The following PCDH15 variants were observed in gnomAD, a reference collection of about 807,000 sequenced individuals.
PCDH15 encodes the protein protocadherin-15.
A neutral mutation model predicts 178.5 loss-of-function variants in PCDH15; 129 were observed. The ratio of observed to expected loss-of-function variants is 0.72; its 90% CI spans 0.63 to 0.84. PCDH15 has a LOEUF of 0.84. PCDH15 is among the 40% of genes least tolerant of loss of function. PCDH15 has a pLI of 0.00. For synonymous variants in PCDH15, 800 were observed against 732.0 expected, an observed-to-expected ratio of 1.09 and a Z score of -1.50; for missense variants, 2,230 against 2,099.9, an observed-to-expected ratio of 1.06 and a Z score of -1.21.
intron 2 of PCDH15, among the ~76,000 whole-genome samples, chr10:55,478,628 G>A (rs1163061976): frequency 2.0e-5 from 3 of 150,520 alleles, no homozygotes; most frequent in African/African-American, 7.3e-5. Flanking sequence ...AAAATTAGGA[G>A]AAGGAAATAA....
intron 3 of PCDH15, among the ~76,000 whole-genome samples, chr10:54,489,194 T>C (rs2079362049): frequency 6.6e-6 from 1 of 152,066 alleles, no homozygotes; most frequent in Non-Finnish European, 1.5e-5. Context: ...TTTCCCTTGA[T>C]TAACTTGTAT....
At chr10:54,421,292 G>T (rs1955262529) in intron 3 of PCDH15, among the ~76,000 whole-genome samples, 1 of 151,542 alleles carries the variant, frequency 6.6e-6, no homozygotes, top group African/African-American at 2.4e-5. Context: ...AATACATTAA[G>T]AAATAATCTC....
intron 10 of PCDH15, among the ~76,000 whole-genome samples, chr10:54,212,183 A>G (rs2051513449): frequency 6.6e-6 from 1 of 152,148 alleles, no homozygotes; most frequent in African/African-American, 2.4e-5. Context: ...GCACCACAAG[A>G]GTCAGGTAGA....
chr10:54,548,926 G>A (rs1438514588), intron 2 of PCDH15, among the ~76,000 whole-genome samples: 1 of 149,610 alleles, frequency 6.7e-6, no homozygotes, highest in Non-Finnish European at 1.5e-5. Flanking sequence ...GTCAGATGTC[G>A]CTATGTATAG....
chr10:54,394,053 A>G (rs10825318), intron 3 of PCDH15, among the ~76,000 whole-genome samples: 42,918 of 152,016 alleles, frequency 0.28, 7,513 homozygotes, highest in Middle Eastern at 0.41. Flanking sequence ...TGAAGGAAAG[A>G]AAGAGAGATG....
At chr10:54,928,471 T>TA (rs1438275384) in intron 2 of PCDH15, among the ~76,000 whole-genome samples, 1 of 152,176 alleles carries the variant, frequency 6.6e-6, no homozygotes, top group Non-Finnish European at 1.5e-5. Flanking sequence ...TTTCTGAATT[T>TA]AAATGTTGGC....
At chr10:54,065,355 C>A (rs1590204807) in intron 18 of PCDH15, among the ~76,000 whole-genome samples, 1 of 152,178 alleles carries the variant, frequency 6.6e-6, no homozygotes, top group Non-Finnish European at 1.5e-5. Flanking sequence ...AATCTTGTTA[C>A]TGGCTACCTT....
intron 8 of PCDH15, among the ~76,000 whole-genome samples, chr10:54,295,310 A>G (rs554280349): frequency 8.7e-4 from 132 of 152,330 alleles, no homozygotes; most frequent in Admixed American, 2.0e-3. Context: ...TCTCTGTAAA[A>G]TGGACCAATC....
At chr10:55,229,744 A>G (rs771585252) in intron 1 of PCDH15, among the ~76,000 whole-genome samples, 1 of 152,102 alleles carries the variant, frequency 6.6e-6, no homozygotes. Context: ...AGAGAAAATA[A>G]CACTCTTTCA....
At chr10:55,025,977 T>C (rs953460668) in intron 2 of PCDH15, among the ~76,000 whole-genome samples, 4 of 151,938 alleles carry the variant, frequency 2.6e-5, no homozygotes, top group African/African-American at 9.7e-5. Context: ...AATATTAAGA[T>C]GAAAAAAATA....
At position 54,195,897 on chromosome 10, in the gene PCDH15, T is replaced by C; in HGVS notation, c.1099-8A>G. The stretch of plus-strand genomic sequence containing the variant: ...ACCATTGTCTTGTTCAGCCTAAAAT[T>C]GAAAAGAAAAGAAAATATTTAGAAA... On this transcript the variant is annotated splice_region_variant and splice_polypyrimidine_tract_variant and intron_variant, in intron 10 of 37. Coordinates refer to ENST00000644397, the MANE Select transcript of PCDH15 (RefSeq NM_001384140.1). The C allele has an allele frequency of 6.2e-7, 1 of 1,610,742 alleles. No individual in the cohort carries two copies. Among genetic ancestry groups the C allele is most frequent in the Non-Finnish European group, 8.5e-7 (1 of 1,177,134 alleles).
chr10:53,855,211 T>C (rs10825126), intron 28 of PCDH15, among the ~76,000 whole-genome samples: 11,368 of 152,018 alleles, frequency 0.075, 770 homozygotes, highest in African/African-American at 0.17. Context: ...ATAATAACAT[T>C]AGATAATGCT....
At chr10:53,972,697 T>A (rs1470918673) in intron 21 of PCDH15, among the ~76,000 whole-genome samples, 1 of 152,164 alleles carries the variant, frequency 6.6e-6, no homozygotes, top group African/African-American at 2.4e-5. Context: ...AAAATGCTCA[T>A]CATCACTGGC....
At chr10:55,488,842 AG>A (rs1433408001) in intron 2 of PCDH15, among the ~76,000 whole-genome samples, 1 of 151,522 alleles carries the variant, frequency 6.6e-6, no homozygotes. Flanking sequence ...CAGCCTAAAA[AG>A]TTTGTTTTTA....
At chr10:54,778,620 A>C (rs764315613) in intron 1 of PCDH15, among the ~76,000 whole-genome samples, 2 of 152,146 alleles carry the variant, frequency 1.3e-5, no homozygotes, top group Non-Finnish European at 2.9e-5. Context: ...ATCATTGTGA[A>C]GTAACACTGC....
At chr10:55,025,407 CA>C (rs1840451908) in intron 2 of PCDH15, among the ~76,000 whole-genome samples, 1 of 152,126 alleles carries the variant, frequency 6.6e-6, no homozygotes, top group African/African-American at 2.4e-5. Context: ...TTACATGACA[CA>C]ACTGAATATT....
At chr10:54,874,332 A>C (rs1417580170) in intron 3 of PCDH15, among the ~76,000 whole-genome samples, 1 of 147,078 alleles carries the variant, frequency 6.8e-6, no homozygotes. Context: ...ATAGTATTCC[A>C]TGGTGTATAT....
rs557416667 is a variant in PCDH15, at chr10:54,859,367, CCT to C, written c.-29+38081_-29+38082del. Among the ~76,000 whole-genome samples the C allele has an allele frequency of 6.6e-5, 10 of 152,132 alleles. No individual in the cohort carries two copies. In the South Asian group the frequency reaches 2.1e-3, roughly 32 times the overall value. ...TATATCTTCTTTTTCCCTCTCACTC[CCT>C]GTGTATGCTTGTCCGTAGAAACAGA... is the stretch of plus-strand genomic sequence containing the variant. On this transcript the variant is annotated intron_variant, in intron 3 of 5. Coordinates refer to the PCDH15 transcript ENST00000458638.
intron 10 of PCDH15, among the ~76,000 whole-genome samples, chr10:54,209,045 T>C (rs1354517599): frequency 6.6e-6 from 1 of 152,052 alleles, no homozygotes; most frequent in Non-Finnish European, 1.5e-5. Context: ...ATAACTTATA[T>C]TTCACATCTC....
Sources: allele counts gnomAD v4.1 joint callset (sites outside exome capture counted in the v4.1 genomes callset), GRCh38; gene constraint gnomAD v4.1.1; transcripts MANE v1.5; gene names NCBI Gene and HGNC (gene_info 2026-07-23, HGNC 2026-07-21).